Variants in IRF2BPL observed in about 807,000 individuals in gnomAD.
The protein encoded by IRF2BPL is probable E3 ubiquitin-protein ligase IRF2BPL.
In IRF2BPL, 13 loss-of-function variants were observed where a neutral mutation model predicts 51.2. That is an observed-to-expected ratio of 0.25 (90% CI 0.17 to 0.40). The LOEUF is 0.40. Ranked by LOEUF, IRF2BPL falls within the 10% of genes least tolerant of loss-of-function variation. The pLI is 1.00. For synonymous variants in IRF2BPL, 768 were observed against 509.2 expected, an observed-to-expected ratio of 1.51 and a Z score of -6.84; for missense variants, 1,210 against 1,111.8, an observed-to-expected ratio of 1.09 and a Z score of -1.26.
chr14:77,026,703 G>C lies in IRF2BPL; in HGVS notation c.1090C>G (p.Arg364Gly). 6.2e-7 allele frequency: 1 copy of C among 1,612,676 alleles called. No individual in the cohort carries two copies. Among genetic ancestry groups the C allele is most frequent in the Non-Finnish European group, 8.5e-7 (1 of 1,179,656 alleles). The change falls in exon 1 of 1, where the codon CGC becomes GGC. Residue 364 changes from arginine to glycine, a missense_variant. Coordinates refer to ENST00000238647, the MANE Select transcript of IRF2BPL (RefSeq NM_024496.4). The part of the protein sequence containing the change: ...LAELSESLRN[R>G]AEEWASKPKM... ...GGCTTGCTGGCCCACTCCTCGGCGC[G>C]GTTGCGCAGGCTCTCGCTCAGCTCG...
Position 77,024,912 on chromosome 14 carries a change from GCATTTTTTT to G in IRF2BPL, c.*481_*489del, listed in dbSNP as rs1885060488. 2.2e-5 allele frequency: 2 copies of G among 90,342 alleles called. No individual in the cohort carries two copies. The highest frequency in any genetic ancestry group is 3.8e-5 in the Non-Finnish European group (2 of 53,142). The allele number at this position is 90,342 out of a possible 1,614,324, so 5.6% of individuals were successfully genotyped here. A position where few individuals can be genotyped will look rare whatever the true frequency, so the allele number is the denominator to read the frequency against. On this transcript the variant is annotated 3_prime_UTR_variant, in exon 1 of 1. Coordinates refer to ENST00000238647, the MANE Select transcript of IRF2BPL (RefSeq NM_024496.4). ...AGAAGGAAGCTTTCACCATTTTATA[GCATTTTTTT>G]TTTTTTTTTTTTTTTTTTTTTTTTT... is the stretch of plus-strand genomic sequence containing the variant.
Position 77,025,964 on chromosome 14 carries a change from G to A in IRF2BPL, c.1829C>T (p.Thr610Ile), listed in dbSNP as rs1328589944. The change falls in exon 1 of 1, where the codon ACC becomes ATC. Residue 610 changes from threonine to isoleucine, a missense_variant. Coordinates refer to ENST00000238647, the MANE Select transcript of IRF2BPL (RefSeq NM_024496.4). ...CTGGGGGGCTGACTCAGGTGGGGTG[G>A]TCCGGTTGGAATGGGGTCCCAGAGG... is the stretch of plus-strand genomic sequence containing the variant. ...PPPLGPHSNRTTPPESAPQNG... is the reference protein window; with the variant it reads ...PPPLGPHSNRITPPESAPQNG... 1.3e-6 allele frequency: 2 copies of A among 1,599,308 alleles called. No individual in the cohort carries two copies. The highest frequency in any genetic ancestry group is 1.7e-6 in the Non-Finnish European group (2 of 1,173,746).
In IRF2BPL at chr14:77,027,136, A is replaced by C; in HGVS notation, c.657T>G (p.Ser219=). The C allele has an allele frequency of 6.2e-7, 1 of 1,612,522 alleles. No individual in the cohort carries two copies. Among genetic ancestry groups the C allele is most frequent in the Non-Finnish European group, 8.5e-7 (1 of 1,179,514 alleles). ...GAGACGCCACCGACGCCGCCGCTGAAGAAGAATTGGGGCTCTGACGGTTCA... is the reference window on the plus strand; with the variant it reads ...GAGACGCCACCGACGCCGCCGCTGACGAAGAATTGGGGCTCTGACGGTTCA... The part of the protein sequence containing the change: ...PELNRQSPNS[S]SAAASVASRR... Residue 219 remains serine (S), a synonymous_variant, in exon 1 of 1, where the codon TCT becomes TCG. Transcript: ENST00000238647.
In IRF2BPL at chr14:77,025,548, C is replaced by T; in HGVS notation, c.2245G>A (p.Ala749Thr). Residue 749 changes from alanine (A) to threonine (T), a missense_variant, in exon 1 of 1, where the codon GCC (alanine) becomes ACC (threonine). Transcript: ENST00000238647. The stretch of plus-strand genomic sequence containing the variant: ...TACACCTCGCCGGTGGCCCCCTGGG[C>T]CTTGATACTCTCTCTAGAGCAAGGG... ...CFPCSRESIKAQGATGEVYCP... is the reference protein window; with the variant it reads ...CFPCSRESIKTQGATGEVYCP... The T allele has an allele frequency of 6.2e-7, 1 of 1,613,708 alleles. No individual in the cohort carries two copies. Among genetic ancestry groups the T allele is most frequent in the Non-Finnish European group, 8.5e-7 (1 of 1,179,826 alleles).
Position 77,026,763 on chromosome 14 carries a change from A to G in IRF2BPL, c.1030T>C (p.Leu344=), listed in dbSNP as rs1885137716. Residue 344 remains leucine (L), a synonymous_variant, in exon 1 of 1, where the codon TTG becomes CTG. Transcript: ENST00000238647. ...SVSSTDQERE[L]KEKQRNAEAL... ...TCGGCGTTGCGCTGCTTCTCCTTCA[A>G]CTCGCGCTCCTGGTCTGTGCTCGAC... 1 of 1,612,106 alleles carries G rather than the reference A, an allele frequency of 6.2e-7. No individual in the cohort carries two copies. The highest frequency in any genetic ancestry group is 8.5e-7 in the Non-Finnish European group (1 of 1,179,734).
At position 77,026,593 on chromosome 14, in the gene IRF2BPL, G is replaced by A. The variant is rs1382532949; in HGVS notation, c.1200C>T (p.Gly400=). 31 of 1,613,846 alleles carry A rather than the reference G, an allele frequency of 1.9e-5. No individual in the cohort carries two copies. The highest frequency in any genetic ancestry group is 2.6e-5 in the Non-Finnish European group (31 of 1,180,012). Residue 400 remains glycine (G), a synonymous_variant, in exon 1 of 1, where the codon GGC becomes GGT. Transcript: ENST00000238647. ...AGACGGCGTCGAAGGCGAAAACGCG[G>A]CCCAGCAGCGAGTGGTCCTTCTTGA... is the stretch of plus-strand genomic sequence containing the variant. The part of the protein sequence containing the change: ...VRFKKDHSLL[G]RVFAFDAVSK...
rs1174872022 is a variant in IRF2BPL at position 77,026,172 on chromosome 14, G to C, written c.1621C>G (p.Leu541Val). 7.0e-7 allele frequency: 1 copy of C among 1,438,066 alleles called. No individual in the cohort carries two copies. Among genetic ancestry groups the C allele is most frequent in the Admixed American group, 3.2e-5 (1 of 31,214 alleles). 89.1% of individuals were successfully genotyped at this position (1,438,066 alleles called of 1,614,324 possible). The change falls in exon 1 of 1, where the codon CTG becomes GTG. Residue 541 changes from leucine to valine, a missense_variant. Leu to Val is a conservative substitution (Grantham distance 32). Coordinates refer to ENST00000238647, the MANE Select transcript of IRF2BPL (RefSeq NM_024496.4). ...TCCGGAGAGGCCTTTCTCTTGCGCA[G>C]GCTGGCGGCTGCGCCCCGGCCCGAC... ...APSGRGAAAS[L>V]RKRKASPEPP...
rs554195069 is a variant in IRF2BPL, at chr14:77,024,914, ATTTTTTTTTTTTTTTTTTTTTTT to A, written c.*465_*487del. ...AAGGAAGCTTTCACCATTTTATAGC[ATTTTTTTTTTTTTTTTTTTTTTT>A]TTTTTTTTTTTTTAGGCAGCAACAC... On this transcript the variant is annotated 3_prime_UTR_variant, in exon 1 of 1. Coordinates refer to ENST00000238647, the MANE Select transcript of IRF2BPL (RefSeq NM_024496.4). 2 of 22,972 alleles carry A rather than the reference ATTTTTTTTTTTTTTTTTTTTTTT, an allele frequency of 8.7e-5. No individual in the cohort carries two copies. Among genetic ancestry groups the A allele is most frequent in the African/African-American group, 3.5e-4 (2 of 5,760 alleles). The allele number at this position is 22,972 out of a possible 1,614,324, so 1.4% of individuals were successfully genotyped here. A position where few individuals can be genotyped will look rare whatever the true frequency, so the allele number is the denominator to read the frequency against.
At position 77,025,993 on chromosome 14, in the gene IRF2BPL, G is replaced by C. The variant is rs766417773; in HGVS notation, c.1800C>G (p.Pro600=). The change falls in exon 1 of 1, where the codon CCC becomes CCG. Residue 600 remains proline (P), a synonymous_variant. Transcript: ENST00000238647. Reference sequence around the variant, plus strand: ...GGTTGGAATGGGGTCCCAGAGGTGGGGGCGGCGGAGGCGGACCCCCCGCCG... The same window carrying C: ...GGTTGGAATGGGGTCCCAGAGGTGGCGGCGGCGGAGGCGGACCCCCCGCCG... The part of the protein sequence containing the change: ...GHAAGGPPPP[P]PPLGPHSNRT... 1 of 1,575,182 alleles carries C rather than the reference G, an allele frequency of 6.3e-7. No individual in the cohort carries two copies. Among genetic ancestry groups the C allele is most frequent in the Non-Finnish European group, 8.6e-7 (1 of 1,161,590 alleles).
In IRF2BPL at chr14:77,026,193, C is replaced by T; in HGVS notation, c.1600G>A (p.Gly534Ser). 7.2e-7 allele frequency: 1 copy of T among 1,393,006 alleles called. No homozygotes were observed. Among genetic ancestry groups the T allele is most frequent in the Non-Finnish European group, 9.2e-7 (1 of 1,081,640 alleles). The allele number at this position is 1,393,006 out of a possible 1,614,324, so 86.3% of individuals were successfully genotyped here. A position where few individuals can be genotyped will look rare whatever the true frequency, so the allele number is the denominator to read the frequency against. Residue 534 changes from glycine to serine, a missense_variant, in exon 1 of 1, where the codon GGC becomes AGC. By Grantham distance (56) the Gly-to-Ser change is moderately conservative. Transcript: ENST00000238647. The part of the protein sequence containing the change: ...TGALPPAAPS[G>S]RGAAASLRKR... ...CGCAGGCTGGCGGCTGCGCCCCGGC[C>T]CGACGGCGCGGCGGGCGGCAAGGCC...
rs1885060882 is a variant in IRF2BPL, at chr14:77,024,913, CATTTTT to C, written c.*483_*488del. 1 of 77,006 alleles carries C rather than the reference CATTTTT, an allele frequency of 1.3e-5. No individual in the cohort carries two copies. Among genetic ancestry groups the C allele is most frequent in the Admixed American group, 2.2e-4 (1 of 4,614 alleles). The allele number at this position is 77,006 out of a possible 1,614,324, so 4.8% of individuals were successfully genotyped here. ...GAAGGAAGCTTTCACCATTTTATAG[CATTTTT>C]TTTTTTTTTTTTTTTTTTTTTTTTT... On this transcript the variant is annotated 3_prime_UTR_variant, in exon 1 of 1. Coordinates refer to ENST00000238647, the MANE Select transcript of IRF2BPL (RefSeq NM_024496.4).
At position 77,027,071 on chromosome 14, in the gene IRF2BPL, T is replaced by A. The variant is rs766985988; in HGVS notation, c.722A>T (p.Asn241Ile). 17 of 1,596,756 alleles carry A rather than the reference T, an allele frequency of 1.1e-5. 1 individual carries two copies. The South Asian group carries it at 1.9e-4, about 18-fold the overall frequency. The change falls in exon 1 of 1, where the codon AAC becomes ATC. Residue 241 changes from asparagine to isoleucine, a missense_variant. Physicochemically the swap from Asn to Ile is moderately radical, Grantham distance 149. Coordinates refer to ENST00000238647, the MANE Select transcript of IRF2BPL (RefSeq NM_024496.4). ...CTGGGGGCCTCCGCCACCCCCCGGG[T>A]TGGGCAGCCCCGTAACCAGCCCACC... is the stretch of plus-strand genomic sequence containing the variant. ...THGGLVTGLPNPGGGGGPQLT... is the reference protein window; with the variant it reads ...THGGLVTGLPIPGGGGGPQLT...
Position 77,027,825 on chromosome 14 carries a change from C to T in IRF2BPL, c.-33G>A, listed in dbSNP as rs1316455920. 1 of 1,474,028 alleles carries T rather than the reference C, an allele frequency of 6.8e-7. No homozygotes were observed. Among genetic ancestry groups the T allele is most frequent in the South Asian group, 1.3e-5 (1 of 74,422 alleles). 91.3% of individuals were successfully genotyped at this position (1,474,028 alleles called of 1,614,324 possible). A position where few individuals can be genotyped will look rare whatever the true frequency, so the allele number is the denominator to read the frequency against. ...GCCCTGGGGAAGGTAGGCCCCCGCC[C>T]GGGCTGTCTCCGCGGCGCCTTCTCC... On this transcript the variant is annotated 5_prime_UTR_variant, in exon 1 of 1. Coordinates refer to ENST00000238647, the MANE Select transcript of IRF2BPL (RefSeq NM_024496.4).
chr14:77,027,427 CTGCTG>C lies in IRF2BPL; in HGVS notation c.361_365del (p.Gln121AlafsTer10). 1.1e-6 allele frequency: 1 copy of C among 951,930 alleles called. No homozygotes were observed. The highest frequency in any genetic ancestry group is 1.4e-6 in the Non-Finnish European group (1 of 692,956). 59.0% of individuals were successfully genotyped at this position (951,930 alleles called of 1,614,324 possible). On this transcript the variant is annotated frameshift_variant, in exon 1 of 1. Transcript: ENST00000238647. LOFTEE classifies it high-confidence loss of function. ...CGTGGTTGAGCTGTTGTTGCTGCTG[CTGCTG>C]CTGCTGCTGCTGCTGCTGTTGCTGC...
Position 77,027,435 on chromosome 14 carries a change from GC to G in IRF2BPL, c.357del (p.Gln119HisfsTer33). On this transcript the variant is annotated frameshift_variant, in exon 1 of 1. Coordinates refer to ENST00000238647, the MANE Select transcript of IRF2BPL (RefSeq NM_024496.4). LOFTEE classifies it high-confidence loss of function. ...AGCTGTTGTTGCTGCTGCTGCTGCT[GC>G]TGCTGCTGCTGCTGTTGCTGCTGCT... is the stretch of plus-strand genomic sequence containing the variant. ...QQQQQQQQQQ[Q>X]QQQQQQQQLN... 2 of 1,413,890 alleles carry G rather than the reference GC, an allele frequency of 1.4e-6. No homozygotes were observed. Among genetic ancestry groups the G allele is most frequent in the African/African-American group, 1.6e-5 (1 of 61,570 alleles). 87.6% of individuals were successfully genotyped at this position (1,413,890 alleles called of 1,614,324 possible).
chr14:77,027,435 GCTGC>G lies in IRF2BPL; in HGVS notation c.354_357del (p.Gln118HisfsTer33). 7.1e-7 allele frequency: 1 copy of G among 1,413,894 alleles called. No homozygotes were observed. The highest frequency in any genetic ancestry group is 1.6e-5 in the African/African-American group (1 of 61,570). The allele number at this position is 1,413,894 out of a possible 1,614,324, so 87.6% of individuals were successfully genotyped here. On this transcript the variant is annotated frameshift_variant, in exon 1 of 1. Transcript: ENST00000238647. LOFTEE classifies it high-confidence loss of function. ...AGCTGTTGTTGCTGCTGCTGCTGCT[GCTGC>G]TGCTGCTGCTGTTGCTGCTGCTGCT...
Position 77,026,167 on chromosome 14 carries a change from G to A in IRF2BPL, c.1626C>T (p.Arg542=), listed in dbSNP as rs758129575. Residue 542 remains arginine, a synonymous_variant, in exon 1 of 1, where the codon CGC becomes CGT. Coordinates refer to ENST00000238647, the MANE Select transcript of IRF2BPL (RefSeq NM_024496.4). ...PSGRGAAASL[R]KRKASPEPPD... is the part of the protein sequence containing the mutation. ...GGGGCTCCGGAGAGGCCTTTCTCTT[G>A]CGCAGGCTGGCGGCTGCGCCCCGGC... 8 of 1,459,172 alleles carry A rather than the reference G, an allele frequency of 5.5e-6. No homozygotes were observed. The South Asian group carries it at 1.1e-4, about 20-fold the overall frequency. The allele number at this position is 1,459,172 out of a possible 1,614,324, so 90.4% of individuals were successfully genotyped here. A position where few individuals can be genotyped will look rare whatever the true frequency, so the allele number is the denominator to read the frequency against.
chr14:77,026,180 G>T lies in IRF2BPL; in HGVS notation c.1613C>A (p.Ala538Asp). 1 of 1,418,784 alleles carries T rather than the reference G, an allele frequency of 7.0e-7. No individual in the cohort carries two copies. The highest frequency in any genetic ancestry group is 9.1e-7 in the Non-Finnish European group (1 of 1,096,342). The allele number at this position is 1,418,784 out of a possible 1,614,324, so 87.9% of individuals were successfully genotyped here. The change falls in exon 1 of 1, where the codon GCC (alanine) becomes GAC (aspartate). Residue 538 changes from alanine (A) to aspartate (D), a missense_variant. Coordinates refer to ENST00000238647, the MANE Select transcript of IRF2BPL (RefSeq NM_024496.4). ...GGCCTTTCTCTTGCGCAGGCTGGCG[G>T]CTGCGCCCCGGCCCGACGGCGCGGC... is the stretch of plus-strand genomic sequence containing the variant. ...PPAAPSGRGA[A>D]ASLRKRKASP...
In IRF2BPL at chr14:77,024,844, AAAC is replaced by A. The variant is rs1282647658; in HGVS notation, c.*555_*557del. 1.2e-4 allele frequency: 2 copies of A among 16,924 alleles called. No homozygotes were observed. The highest frequency in any genetic ancestry group is 2.3e-4 in the African/African-American group (2 of 8,798). 1.0% of individuals were successfully genotyped at this position (16,924 alleles called of 1,614,324 possible). ...GCAAACAAAACAGAAAAACAAAACAAAACAACAAAATAAAGTGAAGACTTCAAC... is the reference window on the plus strand; with the variant it reads ...GCAAACAAAACAGAAAAACAAAACAAAACAAAATAAAGTGAAGACTTCAAC... On this transcript the variant is annotated 3_prime_UTR_variant, in exon 1 of 1. Coordinates refer to ENST00000238647, the MANE Select transcript of IRF2BPL (RefSeq NM_024496.4).
Sources: gnomAD v4.1 joint callset for allele counts on GRCh38, gnomAD v4.1.1 for gene constraint, MANE v1.5 for transcripts, NCBI Gene and HGNC (gene_info 2026-07-23, HGNC 2026-07-21) for gene names.